Variants in SLC3A1 observed in about 807,000 individuals in gnomAD.
SLC3A1 encodes amino acid transporter heavy chain SLC3A1.
A neutral mutation model predicts 60.3 loss-of-function variants in SLC3A1; 78 were observed. That is an observed-to-expected ratio of 1.29 (90% CI 1.08 to 1.56). The LOEUF is 1.56. Among genes scored for constraint, SLC3A1 ranks in the 40% most tolerant of loss-of-function variants. The pLI, the probability that SLC3A1 is intolerant of heterozygous loss-of-function variation, is 0.00. For synonymous variants in SLC3A1, 392 were observed against 307.9 expected (o/e 1.27, Z -2.86); for missense variants, 1,172 against 858.9 (o/e 1.36, Z -4.56).
chr2:44,310,281 T>C (rs1672261214), intron 7 of SLC3A1, among the ~76,000 whole-genome samples: 1 of 152,236 alleles, frequency 6.6e-6, no homozygotes, highest in Non-Finnish European at 1.5e-5. Flanking sequence ...ATCAGCCATG[T>C]ACGAAGGTTC....
At position 44,283,919 on chromosome 2, in the gene SLC3A1, G is replaced by T. The variant is rs1178080258; in HGVS notation, c.766-2113G>T. Reference sequence around the variant, plus strand: ...ATTCATGTAACTTCAGGTAGCTATGGTTCATACATTTTCATTGTTGTATAT... The same window carrying T: ...ATTCATGTAACTTCAGGTAGCTATGTTTCATACATTTTCATTGTTGTATAT... On this transcript the variant is annotated intron_variant, in intron 3 of 9. Transcript: ENST00000260649. 9.9e-5 allele frequency among the ~76,000 whole-genome samples: 15 copies of T among 151,474 alleles called. No homozygotes were observed. In the East Asian group the frequency reaches 2.7e-3, roughly 27 times the overall value.
At chr2:44,318,079 A>AC (rs753832264) in intron 9 of SLC3A1, 3 of 438,550 alleles carry the variant, frequency 6.8e-6, no homozygotes, top group South Asian at 4.8e-5. Flanking sequence ...AATAATACTT[A>AC]AAGGATCTCA....
At chr2:44,306,611 T>C (rs1409481388) in intron 7 of SLC3A1, among the ~76,000 whole-genome samples, 3 of 142,034 alleles carry the variant, frequency 2.1e-5, no homozygotes, top group African/African-American at 7.8e-5. Context: ...TGGGGTGCAG[T>C]GGTGTGATCC....
chr2:44,313,381 C>T (rs1672346726), intron 8 of SLC3A1, among the ~76,000 whole-genome samples: 1 of 151,326 alleles, frequency 6.6e-6, no homozygotes, highest in African/African-American at 2.4e-5. Context: ...AAGCTTTTTT[C>T]CCTCTATCAG....
At chr2:44,296,891 GTTC>G (rs1671863247) in intron 4 of SLC3A1, among the ~76,000 whole-genome samples, 1 of 152,186 alleles carries the variant, frequency 6.6e-6, no homozygotes, top group African/African-American at 2.4e-5. Context: ...ATAAGTGGGA[GTTC>G]TTCTGCACAA....
At chr2:44,297,018 A>G (rs1044867682) in intron 4 of SLC3A1, among the ~76,000 whole-genome samples, 2 of 152,204 alleles carry the variant, frequency 1.3e-5, no homozygotes, top group African/African-American at 4.8e-5. Context: ...CAGCTTTACA[A>G]ATTACCCAGT....
chr2:44,283,630 T>A (rs975993857), intron 3 of SLC3A1, among the ~76,000 whole-genome samples: 2 of 152,188 alleles, frequency 1.3e-5, no homozygotes, highest in African/African-American at 4.8e-5. Context: ...TATAGAATGA[T>A]CACAGCTGCC....
At chr2:44,280,082 A>G (rs1023918131) in intron 1 of SLC3A1, among the ~76,000 whole-genome samples, 7 of 152,186 alleles carry the variant, frequency 4.6e-5, no homozygotes, top group Non-Finnish European at 8.8e-5. Context: ...CACTTAGCCC[A>G]GCAGCTGGCA....
downstream of SLC3A1, chr2:44,321,816 T>A (rs964397529): frequency 5.0e-6 from 8 of 1,613,798 alleles, no homozygotes; most frequent in Non-Finnish European, 5.9e-6. Context: ...GAGAGGGCCT[T>A]GATAACATAC....
At chr2:44,294,560 C>T (rs1481865841) in intron 4 of SLC3A1, among the ~76,000 whole-genome samples, 1 of 151,446 alleles carries the variant, frequency 6.6e-6, no homozygotes, top group Non-Finnish European at 1.5e-5. Flanking sequence ...ACCTTATTTA[C>T]TCCATACAGA....
intron 4 of SLC3A1, among the ~76,000 whole-genome samples, chr2:44,290,696 T>TC (rs397773025): frequency 1.3e-4 from 20 of 151,436 alleles, no homozygotes; most frequent in Non-Finnish European, 2.9e-4. Context: ...TTTTTTTTTT[T>TC]ACTGTATATG....
Position 44,280,786 on chromosome 2 carries a change from A to G in SLC3A1, c.501A>G (p.Lys167=). The G allele has an allele frequency of 6.2e-7, 1 of 1,612,510 alleles. No individual in the cohort carries two copies. The highest frequency in any genetic ancestry group is 1.3e-5 in the African/African-American group (1 of 75,026). Residue 167 remains lysine, a synonymous_variant, in exon 2 of 10, where the codon AAA becomes AAG. Coordinates refer to ENST00000260649, the MANE Select transcript of SLC3A1 (RefSeq NM_000341.4). ...CTGTTTGGATTACTTCATTTTATAA[A>G]TCGTCCCTTAAAGATTTCAGATATG... ...IKTVWITSFY[K]SSLKDFRYGV...
intron 9 of SLC3A1, among the ~76,000 whole-genome samples, chr2:44,317,459 C>CA (rs3074505): frequency 0.22 from 30,928 of 141,532 alleles, 3,678 homozygotes; most frequent in African/African-American, 0.3. Flanking sequence ...GAGATTGTGT[C>CA]AAAAAAAAAA....
intron 1 of SLC3A1, among the ~76,000 whole-genome samples, chr2:44,276,196 T>G (rs1250731124): frequency 1.3e-5 from 2 of 152,114 alleles, no homozygotes; most frequent in African/African-American, 4.8e-5. Flanking sequence ...GCCAAACGAG[T>G]TGTTTAATTT....
chr2:44,320,145 T>TA lies in SLC3A1; in HGVS notation c.1618-53dup. The TA allele has an allele frequency of 3.4e-6, 5 of 1,459,106 alleles. No homozygotes were observed. The South Asian group carries it at 6.0e-5, about 17-fold the overall frequency. The allele number at this position is 1,459,106 out of a possible 1,614,324, so 90.4% of individuals were successfully genotyped here. A position where few individuals can be genotyped will look rare whatever the true frequency, so the allele number is the denominator to read the frequency against. On this transcript the variant is annotated intron_variant, in intron 9 of 9. Coordinates refer to ENST00000260649, the MANE Select transcript of SLC3A1 (RefSeq NM_000341.4). ...CTCCTTACAATATATTAAAAATACT[T>TA]ACAAACAATTCTTAGAATCAAACAC...
intron 9 of SLC3A1, chr2:44,318,766 G>T (rs928925484): frequency 2.6e-5 from 4 of 152,130 alleles, no homozygotes; most frequent in African/African-American, 9.7e-5. Flanking sequence ...ACAAAAATCA[G>T]GCTTGGAAGT....
At chr2:44,302,455 G>A (rs183069437) in intron 6 of SLC3A1, among the ~76,000 whole-genome samples, 11 of 152,266 alleles carry the variant, frequency 7.2e-5, no homozygotes, top group East Asian at 1.9e-4. Context: ...TAGGTACTCC[G>A]ATTACTCTGT....
At position 44,287,321 on chromosome 2, in the gene SLC3A1, A is replaced by G. The variant is rs1222119698; in HGVS notation, c.891+1164A>G. 2.0e-5 allele frequency among the ~76,000 whole-genome samples: 3 copies of G among 152,156 alleles called. No homozygotes were observed. The East Asian group carries it at 5.8e-4, about 29-fold the overall frequency. Reference sequence around the variant, plus strand: ...AGATGCTGTTTGGACAAAAACCTGAAGTGAGAAAGGAACCATGTGACTATC... The same window carrying G: ...AGATGCTGTTTGGACAAAAACCTGAGGTGAGAAAGGAACCATGTGACTATC... On this transcript the variant is annotated intron_variant, in intron 4 of 9. Coordinates refer to ENST00000260649, the MANE Select transcript of SLC3A1 (RefSeq NM_000341.4).
intron 1 of SLC3A1, among the ~76,000 whole-genome samples, chr2:44,277,666 G>T (rs888743407): frequency 5.9e-5 from 9 of 152,222 alleles, no homozygotes; most frequent in Admixed American, 5.2e-4. Flanking sequence ...CTTAGGAAAA[G>T]CAATGCTCTG....
Sources: gnomAD v4.1 joint callset for allele counts (sites outside exome capture counted in the v4.1 genomes callset) on GRCh38, gnomAD v4.1.1 for gene constraint, MANE v1.5 for transcripts, NCBI Gene and HGNC (gene_info 2026-07-23, HGNC 2026-07-21) for gene names.